USP6: variants seen among roughly 807,000 people sequenced by gnomAD.
The protein encoded by USP6 is ubiquitin specific peptidase 6.
Under a neutral mutation model 175.7 loss-of-function variants are expected in USP6, and 128 were observed. The ratio of observed to expected loss-of-function variants is 0.73; its 90% CI spans 0.63 to 0.84. The LOEUF (loss-of-function observed/expected upper bound fraction) is 0.84. USP6 is among the 40% of genes least tolerant of loss of function. The pLI, the probability that USP6 is intolerant of heterozygous loss-of-function variation, is 0.00. For missense variants in USP6, 1,498 were observed against 1,760.3 expected (o/e 0.85, Z 2.67); for synonymous variants, 562 against 630.6 (o/e 0.89, Z 1.63).
rs373108096 is a variant in USP6 at position 5,168,840 on chromosome 17, G to A, written c.3302G>A (p.Arg1101Gln). Residue 1101 changes from arginine (R) to glutamine (Q), a missense_variant, in exon 35 of 38, where the codon CGG becomes CAG. Transcript: ENST00000574788. ...IKSQKIVRFL[R>Q]ESFDPSAFLV... is the part of the protein sequence containing the mutation. ...TCACAGAAAATTGTCAGATTTCTTC[G>A]GGAAAGTTTTGATCCGAGTGCTTTT... 2.4e-5 allele frequency: 39 copies of A among 1,611,486 alleles called. No individual in the cohort carries two copies. Among genetic ancestry groups the A allele is most frequent in the Admixed American group, 1.5e-4 (9 of 59,358 alleles).
chr17:5,174,764 T>G lies in USP6; in HGVS notation c.*1786T>G, dbSNP rs2074290185. ...TTTAATTCATGAACTAGCGGAAAAT[T>G]TATTAAATTAACTATTAACTACATT... On this transcript the variant is annotated 3_prime_UTR_variant, in exon 38 of 38. Transcript: ENST00000574788. 1 of 200,590 alleles carries G rather than the reference T, an allele frequency of 5.0e-6. No homozygotes were observed. The highest frequency in any genetic ancestry group is 7.8e-5 in the East Asian group (1 of 12,792). The allele number at this position is 200,590 out of a possible 1,614,324, so 12.4% of individuals were successfully genotyped here.
intron 8 of USP6, chr17:5,129,577 T>C (rs1308757871): frequency 1.3e-5 from 2 of 152,342 alleles, no homozygotes; most frequent in Non-Finnish European, 2.9e-5. Flanking sequence ...GTATTTCTTA[T>C]TCTGTCTGGC....
At chr17:5,138,086 G>A in intron 20 of USP6, 35 bp from the exon 21 acceptor site, 2 of 1,613,780 alleles carry the variant, frequency 1.2e-6, no homozygotes, top group South Asian at 2.2e-5. Flanking sequence ...CATTCCCAGG[G>A]AACTCTCCTG....
In USP6 at chr17:5,163,049, A is replaced by G. The variant is rs779181099; in HGVS notation, c.3036+45A>G. On this transcript the variant is annotated intron_variant, in intron 33 of 37. Transcript: ENST00000574788. ...GTAAAATGGTGGTTTTTATATGGGA[A>G]ATTTCCCCCAGTGTAACTATTATGC... 3.3e-6 allele frequency: 5 copies of G among 1,505,928 alleles called. No homozygotes were observed. The East Asian group carries it at 1.0e-4, about 30-fold the overall frequency. The allele number at this position is 1,505,928 out of a possible 1,614,324, so 93.3% of individuals were successfully genotyped here.
chr17:5,165,628 C>G (rs1313998595), intron 33 of USP6, among the ~76,000 whole-genome samples: 5 of 151,964 alleles, frequency 3.3e-5, no homozygotes, highest in Non-Finnish European at 5.9e-5. Context: ...AAAAATTAAA[C>G]TAGACAAATT....
chr17:5,163,149 A>C lies in USP6; in HGVS notation c.3036+145A>C, dbSNP rs542119266. 8 of 1,274,988 alleles carry C rather than the reference A, an allele frequency of 6.3e-6. No individual in the cohort carries two copies. The East Asian group carries it at 2.2e-4, about 35-fold the overall frequency. 79.0% of individuals were successfully genotyped at this position (1,274,988 alleles called of 1,614,324 possible). A position where few individuals can be genotyped will look rare whatever the true frequency, so the allele number is the denominator to read the frequency against. On this transcript the variant is annotated intron_variant, in intron 33 of 37. Coordinates refer to ENST00000574788, the MANE Select transcript of USP6 (RefSeq NM_001304284.2). ...CCTCTATGGCACCTAATATATTGAC[A>C]TGTTTGCTTGAGCTTTTTCATTTTC...
rs2073118299 is a variant in USP6 at position 5,132,854 on chromosome 17, G to T, written c.196-56G>T. 1.9e-6 allele frequency: 3 copies of T among 1,598,846 alleles called. No homozygotes were observed. The highest frequency in any genetic ancestry group is 2.2e-5 in the South Asian group (2 of 90,774). ...CCAGAGCCCAAGACTCAGCATCCAT[G>T]GGCGGCTCTGGGAAGCCTGGCAGCT... On this transcript the variant is annotated intron_variant, in intron 12 of 37. Coordinates refer to ENST00000574788, the MANE Select transcript of USP6 (RefSeq NM_001304284.2). This position sits in a 1 kb window ranked among gnomAD's most constrained non-coding sequence, Gnocchi z 4.7.
chr17:5,141,869 C>A lies in USP6; in HGVS notation c.1574-134C>A, dbSNP rs536175493. 7 of 1,359,680 alleles carry A rather than the reference C, an allele frequency of 5.1e-6. No individual in the cohort carries two copies. The East Asian group carries it at 1.2e-4, about 24-fold the overall frequency. 84.2% of individuals were successfully genotyped at this position (1,359,680 alleles called of 1,614,324 possible). A position where few individuals can be genotyped will look rare whatever the true frequency, so the allele number is the denominator to read the frequency against. On this transcript the variant is annotated intron_variant, in intron 23 of 37. Transcript: ENST00000574788. ...AAAGCCTTCTCTAGCATTTCAAAGA[C>A]CTGCTAGAGAATTATTAGCACCATT...
chr17:5,130,276 C>A, intron 9 of USP6, 91 bp from the exon 10 acceptor site: 2 of 1,298,100 alleles, frequency 1.5e-6, no homozygotes, highest in Non-Finnish European at 2.2e-6. Context: ...GTTATACAAC[C>A]AGCCAGCATC....
At position 5,139,361 on chromosome 17, in the gene USP6, G is replaced by C; in HGVS notation, c.1185G>C (p.Gln395His). 6.2e-7 allele frequency: 1 copy of C among 1,613,100 alleles called. No homozygotes were observed. The highest frequency in any genetic ancestry group is 8.5e-7 in the Non-Finnish European group (1 of 1,180,032). ...YRQAPPGPPAQFQRPICSASP... is the reference protein window; with the variant it reads ...YRQAPPGPPAHFQRPICSASP... ...AGGCCCCTCCAGGCCCACCAGCCCA[G>C]TTCCAGCGGCCCATTTGCTCAGCTT... Residue 395 changes from glutamine to histidine, a missense_variant, in exon 22 of 38, where the codon CAG becomes CAC. Around this residue, in one of 2 missense-constraint regions of USP6, gnomAD observed 1,217 missense variants for 1,500.8 expected, o/e 0.81. Transcript: ENST00000574788.
chr17:5,133,362 A>T, intron 13 of USP6, 81 bp from the exon 14 acceptor site: 1 of 1,456,206 alleles, frequency 6.9e-7, no homozygotes, highest in African/African-American at 1.4e-5. Flanking sequence ...GCCAAAACTG[A>T]CAATTTCCAG....
Position 5,150,295 on chromosome 17 carries a change from A to AAAATAAAAAAAT in USP6, c.2643+1535_2643+1536insAAAATAAATAAA, listed in dbSNP as rs1555602130. Among the ~76,000 whole-genome samples, 338 of 138,872 alleles carry AAAATAAAAAAAT rather than the reference A, an allele frequency of 2.4e-3. 5 individuals carry two copies. Among genetic ancestry groups the AAAATAAAAAAAT allele is most frequent in the Admixed American group, 0.022 (299 of 13,462 alleles). The allele number at this position is 138,872 out of a possible 152,430, so 91.1% of individuals were successfully genotyped here. ...CAACAAGAGCGAAACTCCGTCTAAA[A>AAAATAAAAAAAT]AAATAAATAAATAAATAAATAAATA... is the stretch of plus-strand genomic sequence containing the variant. On this transcript the variant is annotated intron_variant, in intron 30 of 37. Coordinates refer to ENST00000574788, the MANE Select transcript of USP6 (RefSeq NM_001304284.2).
At position 5,159,963 on chromosome 17, in the gene USP6, CAA is replaced by C. The variant is rs34643191; in HGVS notation, c.2829-1548_2829-1547del. On this transcript the variant is annotated intron_variant, in intron 31 of 37. Transcript: ENST00000574788. ...TGGGCAACAGAGTGATACCCCGTCT[CAA>C]AAAAAAAAAAAAAAAATGGAAAAAG... 2.1e-3 allele frequency among the ~76,000 whole-genome samples: 231 copies of C among 108,604 alleles called. 1 individual carries two copies. The highest frequency in any genetic ancestry group is 3.9e-3 in the African/African-American group (122 of 30,888). The allele number at this position is 108,604 out of a possible 152,430, so 71.2% of individuals were successfully genotyped here.
chr17:5,169,060 G>C lies in USP6; in HGVS notation c.3517+5G>C. Reference sequence around the variant, plus strand: ...ACATCAGCAGCAGCCCAAAAGGTGAGGCCTGGGGGCCTTATGCAGTTGCTT... The same window carrying C: ...ACATCAGCAGCAGCCCAAAAGGTGACGCCTGGGGGCCTTATGCAGTTGCTT... On this transcript the variant is annotated splice_donor_5th_base_variant and intron_variant, in intron 35 of 37. Coordinates refer to ENST00000574788, the MANE Select transcript of USP6 (RefSeq NM_001304284.2). 1 of 1,582,910 alleles carries C rather than the reference G, an allele frequency of 6.3e-7. No homozygotes were observed. The highest frequency in any genetic ancestry group is 8.6e-7 in the Non-Finnish European group (1 of 1,166,796).
At chr17:5,151,373 C>G (rs755382079) in intron 30 of USP6, among the ~76,000 whole-genome samples, 16 of 151,966 alleles carry the variant, frequency 1.1e-4, no homozygotes, top group African/African-American at 4.8e-5. Context: ...TGTCAGTTCT[C>G]TACAAACTAA....
At chr17:5,169,805 T>A (rs529706711) in intron 35 of USP6, among the ~76,000 whole-genome samples, 4 of 152,206 alleles carry the variant, frequency 2.6e-5, no homozygotes, top group Admixed American at 2.6e-4. Flanking sequence ...CTCTCACAGA[T>A]GTACAATGGT....
chr17:5,162,277 G>A (rs1315382246), intron 32 of USP6, among the ~76,000 whole-genome samples: 7 of 151,790 alleles, frequency 4.6e-5, no homozygotes, highest in Admixed American at 2.6e-4. Context: ...TCAGCCTCCC[G>A]AGTAGCTGGG....
chr17:5,139,199 C>T (rs771003433), intron 21 of USP6, 56 bp from the exon 22 acceptor site: 29 of 1,598,264 alleles, frequency 1.8e-5, no homozygotes, highest in East Asian at 2.2e-5. Flanking sequence ...GGGCCCAGCC[C>T]GGAAAGGCCT....
intron 30 of USP6, among the ~76,000 whole-genome samples, chr17:5,153,673 GAGA>G: frequency 6.8e-6 from 1 of 146,460 alleles, no homozygotes; most frequent in East Asian, 2.0e-4. Context: ...TTTTTTTTTT[GAGA>G]CAGATTCTTG....
Sources: gnomAD v4.1 joint callset for allele counts (sites outside exome capture counted in the v4.1 genomes callset) on GRCh38, gnomAD v4.1.1 for gene constraint, gnomAD v4.1.1 regional missense constraint, Gnocchi (gnomAD v3.1) non-coding constraint, MANE v1.5 for transcripts, NCBI Gene and HGNC (gene_info 2026-07-23, HGNC 2026-07-21) for gene names.